The following ADAMTSL1 variants were observed in gnomAD, a reference collection of about 807,000 sequenced individuals.
ADAMTSL1 encodes the protein ADAMTS-like protein 1.
A neutral mutation model predicts 201.8 loss-of-function variants in ADAMTSL1; 126 were observed. The ratio of observed to expected loss-of-function variants is 0.62; its 90% confidence interval spans 0.54 to 0.72. The LOEUF is 0.72. Ranked by LOEUF, ADAMTSL1 falls within the 30% of genes least tolerant of loss-of-function variation. The pLI is 0.00. For synonymous variants in ADAMTSL1, 1,121 were observed against 903.4 expected (o/e 1.24, Z -4.32); for missense variants, 2,679 against 2,277.8 (o/e 1.18, Z -3.59).
At chr9:18,263,746 C>G (rs563525220) in intron 2 of ADAMTSL1, among the ~76,000 whole-genome samples, 2 of 152,006 alleles carry the variant, frequency 1.3e-5, no homozygotes, top group African/African-American at 4.8e-5. Context: ...GATGAGTGTC[C>G]TTATAGAAAG....
chr9:18,660,792 A>G (rs1210986314), intron 8 of ADAMTSL1, among the ~76,000 whole-genome samples: 3 of 151,410 alleles, frequency 2.0e-5, no homozygotes, highest in African/African-American at 7.4e-5. Context: ...TCATCTTTAT[A>G]GTCAAATTTT....
chr9:18,006,068 T>G (rs1424098377), intron 1 of ADAMTSL1, among the ~76,000 whole-genome samples: 1 of 151,884 alleles, frequency 6.6e-6, no homozygotes, highest in East Asian at 1.9e-4. Flanking sequence ...AGGTGGTAAA[T>G]TTGAACAACC....
intron 2 of ADAMTSL1, among the ~76,000 whole-genome samples, chr9:18,389,185 C>CTT (rs74865114): frequency 2.8e-5 from 4 of 145,354 alleles, no homozygotes; most frequent in Non-Finnish European, 3.0e-5. Context: ...ATTTCTACCT[C>CTT]TTTTTTTTTT....
At chr9:18,713,001 G>C (rs1034432382) in intron 14 of ADAMTSL1, among the ~76,000 whole-genome samples, 51 of 151,914 alleles carry the variant, frequency 3.4e-4, no homozygotes, top group Middle Eastern at 3.4e-3. Flanking sequence ...GCCAAACTAA[G>C]CTTCATAAAT....
chr9:18,371,623 C>T lies in ADAMTSL1; in HGVS notation c.208-133206C>T, dbSNP rs566986589. ...ACACAAAAGGATAGTAAAGTTATAT[C>T]GAATAGGGTTTTAGAAGCATGAAAT... On this transcript the variant is annotated intron_variant, in intron 2 of 29. Transcript: ENST00000680146. Among the ~76,000 whole-genome samples the T allele has an allele frequency of 2.6e-5, 4 of 152,046 alleles. 1 individual carries two copies. The highest frequency in any genetic ancestry group is 4.2e-4 in the South Asian group (2 of 4,816).
At chr9:18,099,359 T>A (rs12236663) in intron 1 of ADAMTSL1, among the ~76,000 whole-genome samples, 6,165 of 64,908 alleles carry the variant, frequency 0.095, 421 homozygotes, top group African/African-American at 0.24. Flanking sequence ...ATATATATTT[T>A]TTTTTTTTTT....
At chr9:17,980,937 G>A (rs927993609) in intron 1 of ADAMTSL1, among the ~76,000 whole-genome samples, 6 of 151,822 alleles carry the variant, frequency 4.0e-5, no homozygotes, top group African/African-American at 9.7e-5. Flanking sequence ...GGGGGAGAGA[G>A]GAGGGAAGTG....
intron 2 of ADAMTSL1, among the ~76,000 whole-genome samples, chr9:18,230,318 C>T (rs1386237190): frequency 6.6e-6 from 1 of 152,100 alleles, no homozygotes; most frequent in Non-Finnish European, 1.5e-5. Flanking sequence ...TACCGGCCTA[C>T]ATGGGGAAGC....
chr9:17,917,311 G>GTTTTGT (rs1826133577), intron 1 of ADAMTSL1, among the ~76,000 whole-genome samples: 1 of 152,100 alleles, frequency 6.6e-6, no homozygotes, highest in Non-Finnish European at 1.5e-5. Context: ...GGTATGAACA[G>GTTTTGT]ATATCCTTGT....
chr9:18,908,554 G>A lies in ADAMTSL1; in HGVS notation c.*6G>A, dbSNP rs749524808. On this transcript the variant is annotated 3_prime_UTR_variant, in exon 29 of 29. Transcript: ENST00000380548. Reference sequence around the variant, plus strand: ...GAACTTGTGGCAAAGCGTGAAGATAGGGTGTGGGGAAAAACTCTACCCTGG... The same window carrying A: ...GAACTTGTGGCAAAGCGTGAAGATAAGGTGTGGGGAAAAACTCTACCCTGG... The A allele has an allele frequency of 4.5e-6, 7 of 1,555,988 alleles. No homozygotes were observed. The South Asian group carries it at 5.9e-5, about 13-fold the overall frequency.
chr9:18,376,869 A>G (rs1262929640), intron 2 of ADAMTSL1, among the ~76,000 whole-genome samples: 1 of 152,208 alleles, frequency 6.6e-6, no homozygotes, highest in Non-Finnish European at 1.5e-5. Flanking sequence ...TATTTGATTG[A>G]CCACATGTCT....
intron 1 of ADAMTSL1, among the ~76,000 whole-genome samples, chr9:18,112,954 A>G (rs1396307853): frequency 6.6e-6 from 1 of 152,154 alleles, no homozygotes; most frequent in Non-Finnish European, 1.5e-5. Context: ...TGTACAGTCA[A>G]TCAGTAATGA....
At chr9:18,447,748 T>C (rs188309953) in intron 2 of ADAMTSL1, among the ~76,000 whole-genome samples, 58 of 152,346 alleles carry the variant, frequency 3.8e-4, no homozygotes, top group Non-Finnish European at 1.5e-5. Flanking sequence ...AGTACCTTCC[T>C]CCGGAGAGTC....
In ADAMTSL1 at chr9:18,225,532, G is replaced by A. The variant is rs67210036; in HGVS notation, c.207+61551G>A. Among the ~76,000 whole-genome samples the A allele has an allele frequency of 1.2e-3, 184 of 151,918 alleles. 1 individual carries two copies. The East Asian group carries it at 0.03, about 25-fold the overall frequency. On this transcript the variant is annotated intron_variant, in intron 2 of 29. Coordinates refer to the ADAMTSL1 transcript ENST00000680146. ...TTAAAATCCTTCTACTAGGCAATAC[G>A]TTATTAACGTAGATTGAATTATTTT...
intron 2 of ADAMTSL1, among the ~76,000 whole-genome samples, chr9:18,394,554 T>C (rs754918799): frequency 2.6e-5 from 4 of 152,214 alleles, no homozygotes; most frequent in African/African-American, 9.7e-5. Flanking sequence ...TTATAAATTA[T>C]TGTGCTTTCA....
intron 1 of ADAMTSL1, among the ~76,000 whole-genome samples, chr9:17,937,942 G>C (rs1031327885): frequency 2.0e-5 from 3 of 152,122 alleles, no homozygotes; most frequent in African/African-American, 7.2e-5. Context: ...AGTATGAGGA[G>C]GGGGGAAGGT....
chr9:17,988,541 C>T (rs1459854834), intron 1 of ADAMTSL1, among the ~76,000 whole-genome samples: 1 of 150,958 alleles, frequency 6.6e-6, no homozygotes, highest in Non-Finnish European at 1.5e-5. Context: ...ATAAAATCCC[C>T]TTATTGTTCT....
At chr9:18,732,338 C>T (rs577793609) in intron 15 of ADAMTSL1, among the ~76,000 whole-genome samples, 2 of 152,296 alleles carry the variant, frequency 1.3e-5, no homozygotes, top group Admixed American at 6.5e-5. Context: ...AGTTAGACAA[C>T]AGGAAGCAGG....
intron 7 of ADAMTSL1, among the ~76,000 whole-genome samples, chr9:18,642,267 G>A (rs1827494337): frequency 6.8e-6 from 1 of 148,142 alleles, no homozygotes; most frequent in African/African-American, 2.5e-5. Flanking sequence ...TTAAAACAGT[G>A]TAATTGAAAC....
Sources: gnomAD v4.1 joint callset for allele counts (sites outside exome capture counted in the v4.1 genomes callset) on GRCh38, gnomAD v4.1.1 for gene constraint, MANE v1.5 for transcripts, NCBI Gene and HGNC (gene_info 2026-07-23, HGNC 2026-07-21) for gene names.